RPS6KC1: variants seen among roughly 807,000 people sequenced by gnomAD.
RPS6KC1 encodes the protein inactive ribosomal protein S6 kinase delta-1.
In RPS6KC1, 54 loss-of-function variants were observed where a neutral mutation model predicts 103.8. That is an observed-to-expected ratio of 0.52 (90% CI 0.42 to 0.65). The LOEUF (loss-of-function observed/expected upper bound fraction) is 0.65. Ranked by LOEUF, RPS6KC1 falls within the 30% of genes least tolerant of loss-of-function variation. RPS6KC1 has a pLI of 0.00. For missense variants in RPS6KC1, 1,151 were observed against 1,253.8 expected, an observed-to-expected ratio of 0.92 and a Z score of 1.24; for synonymous variants, 439 against 438.7, an observed-to-expected ratio of 1.00 and a Z score of -0.01.
At chr1:213,663,005 G>C in the RPS6KC1 span, among the ~76,000 whole-genome samples, 1 of 152,208 alleles carries the variant, frequency 6.6e-6, no homozygotes, top group African/African-American at 2.4e-5. Context: ...TAATATGTTA[G>C]TGTTTTATAC....
rs987959671 is a variant in RPS6KC1 at position 213,058,796 on chromosome 1, C to T, written c.105+7287C>T. ...AGTTTATCTATAGCTACAAAAAATC[C>T]TTTTGGGATTTGATTAGGAGTGCAT... is the stretch of plus-strand genomic sequence containing the variant. On this transcript the variant is annotated intron_variant, in intron 1 of 14. Transcript: ENST00000366960. Among the ~76,000 whole-genome samples, 5 of 152,016 alleles carry T rather than the reference C, an allele frequency of 3.3e-5. No homozygotes were observed. The South Asian group carries it at 1.0e-3, about 32-fold the overall frequency.
chr1:213,705,337 C>T, the RPS6KC1 span, among the ~76,000 whole-genome samples: 8 of 152,224 alleles, frequency 5.3e-5, no homozygotes, highest in African/African-American at 1.4e-4. Context: ...AACCACAAGA[C>T]GTAGTACTTT....
chr1:213,825,331 C>T, the RPS6KC1 span, among the ~76,000 whole-genome samples: 1 of 152,138 alleles, frequency 6.6e-6, no homozygotes, highest in Non-Finnish European at 1.5e-5. Flanking sequence ...TTGTCTAAAC[C>T]TGGATACAGA....
the RPS6KC1 span, among the ~76,000 whole-genome samples, chr1:213,333,393 C>A: frequency 6.6e-6 from 1 of 152,154 alleles, no homozygotes; most frequent in Non-Finnish European, 1.5e-5. Flanking sequence ...GCAAATAAGA[C>A]TTACCCATGT....
chr1:213,519,123 A>G, the RPS6KC1 span, among the ~76,000 whole-genome samples: 1 of 152,180 alleles, frequency 6.6e-6, no homozygotes, highest in African/African-American at 2.4e-5. Context: ...ACAAAATATG[A>G]CTGTTATTCC....
intron 3 of RPS6KC1, among the ~76,000 whole-genome samples, chr1:213,091,090 C>T (rs2148657575): frequency 6.6e-6 from 1 of 151,702 alleles, no homozygotes; most frequent in South Asian, 2.1e-4. Flanking sequence ...CGGAGTCTCG[C>T]TCTGTTGTCC....
chr1:213,380,830 G>A, the RPS6KC1 span, among the ~76,000 whole-genome samples: 1 of 152,138 alleles, frequency 6.6e-6, no homozygotes. Context: ...TGGGCAGAGC[G>A]TCTGTCCACC....
chr1:213,468,691 T>C, the RPS6KC1 span, among the ~76,000 whole-genome samples: 64 of 152,242 alleles, frequency 4.2e-4, no homozygotes, highest in African/African-American at 1.5e-3. Context: ...GAGTTTATTA[T>C]GCACTAGACA....
chr1:213,402,354 G>C, the RPS6KC1 span, among the ~76,000 whole-genome samples: 31 of 152,228 alleles, frequency 2.0e-4, no homozygotes, highest in African/African-American at 7.0e-4. Context: ...TAGTGGCCGT[G>C]GTACCTCTAA....
chr1:213,200,902 A>G (rs2148572536), intron 8 of RPS6KC1, among the ~76,000 whole-genome samples: 1 of 152,280 alleles, frequency 6.6e-6, no homozygotes, highest in East Asian at 1.9e-4. Context: ...TCCTACTTAC[A>G]AGTGGGAGCT....
the RPS6KC1 span, among the ~76,000 whole-genome samples, chr1:213,548,035 C>T: frequency 2.0e-5 from 3 of 152,200 alleles, no homozygotes; most frequent in Admixed American, 6.5e-5. Flanking sequence ...AGAATTAGTC[C>T]TCATATCCAC....
rs1469054751 is a variant in RPS6KC1 at position 213,214,862 on chromosome 1, CA to C, written c.1045-15631del. ...TAACAAACAGAAAGGACGTCGACAC[CA>C]AAACCCCATCTGTACATCACCATCA... On this transcript the variant is annotated intron_variant, in intron 8 of 14. Transcript: ENST00000366960. Among the ~76,000 whole-genome samples the C allele has an allele frequency of 2.6e-5, 4 of 152,164 alleles. No homozygotes were observed. In the East Asian group the frequency reaches 7.7e-4, roughly 29 times the overall value.
the RPS6KC1 span, among the ~76,000 whole-genome samples, chr1:213,848,731 A>G: frequency 1.3e-5 from 2 of 152,182 alleles, no homozygotes; most frequent in African/African-American, 4.8e-5. Flanking sequence ...AATAACATAG[A>G]TGTTTATAGA....
At chr1:213,114,219 A>G (rs1386972683) in intron 4 of RPS6KC1, among the ~76,000 whole-genome samples, 1 of 151,844 alleles carries the variant, frequency 6.6e-6, no homozygotes, top group Non-Finnish European at 1.5e-5. Flanking sequence ...ATTTGTTTGT[A>G]TCCTCTTTTA....
chr1:213,665,961 C>A, the RPS6KC1 span, among the ~76,000 whole-genome samples: 1 of 152,136 alleles, frequency 6.6e-6, no homozygotes, highest in South Asian at 2.1e-4. Context: ...TATATAAAAA[C>A]TTTTAATAGA....
the RPS6KC1 span, among the ~76,000 whole-genome samples, chr1:213,633,452 T>A: frequency 6.6e-6 from 1 of 152,054 alleles, no homozygotes. Context: ...CAAACTAAGC[T>A]TCATAAGTGA....
the RPS6KC1 span, among the ~76,000 whole-genome samples, chr1:213,375,768 C>G: frequency 1.3e-5 from 2 of 152,162 alleles, no homozygotes; most frequent in Non-Finnish European, 2.9e-5. Context: ...ACAGGGGGAC[C>G]TATGTTTTGT....
In RPS6KC1 at chr1:213,173,309, A is replaced by C. The variant is rs570583695; in HGVS notation, c.952-3091A>C. Among the ~76,000 whole-genome samples the C allele has an allele frequency of 2.6e-5, 4 of 152,322 alleles. No individual in the cohort carries two copies. In the South Asian group the frequency reaches 8.3e-4, roughly 32 times the overall value. ...TATAGATGGTTAAAGTAAAAAGAGA[A>C]CTTTAATGATCACTTTGCCTTTGGT... On this transcript the variant is annotated intron_variant, in intron 7 of 14. Transcript: ENST00000366960.
At chr1:213,101,625 A>G (rs2148750965) in intron 3 of RPS6KC1, among the ~76,000 whole-genome samples, 1 of 152,282 alleles carries the variant, frequency 6.6e-6, no homozygotes, top group Non-Finnish European at 1.5e-5. Context: ...TATTAAGAAG[A>G]CTTCCATTAA....
Sources: gnomAD v4.1 joint callset for allele counts (sites outside exome capture counted in the v4.1 genomes callset) on GRCh38, gnomAD v4.1.1 for gene constraint, MANE v1.5 for transcripts, NCBI Gene and HGNC (gene_info 2026-07-23, HGNC 2026-07-21) for gene names.